PECR: variants seen among roughly 807,000 people sequenced by gnomAD.
The protein encoded by PECR is peroxisomal trans-2-enoyl-CoA reductase.
PECR carries 30 observed loss-of-function variants against 35.3 expected under a neutral mutation model. That is an observed-to-expected ratio of 0.85 (90% CI 0.64 to 1.15). The LOEUF is 1.15. PECR is among the 50% of genes most tolerant of loss of function. The probability of loss-of-function intolerance (pLI) is 0.00; values close to 1 mark genes in which losing one functional copy is unlikely to be tolerated. For missense variants in PECR, 392 were observed against 370.8 expected (o/e 1.06, Z -0.47); for synonymous variants, 148 against 138.9 (o/e 1.07, Z -0.46).
intron 6 of PECR, among the ~76,000 whole-genome samples, chr2:216,046,950 G>A (rs1370101518): frequency 2.0e-5 from 3 of 152,152 alleles, no homozygotes; most frequent in Non-Finnish European, 2.9e-5. Flanking sequence ...AAATAACACA[G>A]AGTAAATTCT....
intron 1 of PECR, among the ~76,000 whole-genome samples, chr2:216,070,839 C>T (rs903814658): frequency 6.6e-6 from 1 of 152,314 alleles, no homozygotes; most frequent in South Asian, 2.1e-4. Flanking sequence ...GAAACACTTG[C>T]GCCTGGGTCG....
downstream of PECR, among the ~76,000 whole-genome samples, chr2:216,037,096 A>G (rs1208008752): frequency 6.6e-6 from 1 of 152,240 alleles, no homozygotes; most frequent in East Asian, 1.9e-4. Context: ...ATAATGCTAA[A>G]TACATAGTAG....
rs369322396 is a variant in PECR at position 216,061,128 on chromosome 2, C to A, written c.425-2152G>T. 1.2e-3 allele frequency among the ~76,000 whole-genome samples: 45 copies of A among 38,942 alleles called. 1 individual carries two copies. Among genetic ancestry groups the A allele is most frequent in the Middle Eastern group, 0.015 (1 of 68 alleles). 25.5% of individuals were successfully genotyped at this position (38,942 alleles called of 152,430 possible). On this transcript the variant is annotated intron_variant, in intron 3 of 7. Transcript: ENST00000265322. Reference sequence around the variant, plus strand: ...GCAACAAGGGGAGACCCCGGCTCTACCAAAAAAAAAAAAAAAAAAAAAAAA... The same window carrying A: ...GCAACAAGGGGAGACCCCGGCTCTAACAAAAAAAAAAAAAAAAAAAAAAAA...
At chr2:216,054,241 C>T (rs766661368) in intron 4 of PECR, among the ~76,000 whole-genome samples, 2 of 148,108 alleles carry the variant, frequency 1.4e-5, no homozygotes, top group Non-Finnish European at 3.0e-5. Flanking sequence ...GAGCCGAGAT[C>T]GCACCATTGC....
At chr2:216,031,439 A>G (rs963146676) in intron 7 of PECR, among the ~76,000 whole-genome samples, 1 of 142,490 alleles carries the variant, frequency 7.0e-6, no homozygotes, top group South Asian at 2.2e-4. Flanking sequence ...AAAAGAAAGA[A>G]AGAAAAAGAA....
chr2:216,072,176 T>C (rs1291003287), intron 1 of PECR, among the ~76,000 whole-genome samples: 2 of 152,198 alleles, frequency 1.3e-5, no homozygotes, highest in Admixed American at 1.3e-4. Context: ...CATAATTACC[T>C]GTTAATTTAA....
chr2:216,036,915 TATAG>T (rs1453099623), downstream of PECR, among the ~76,000 whole-genome samples: 1 of 152,226 alleles, frequency 6.6e-6, no homozygotes, highest in African/African-American at 2.4e-5. Flanking sequence ...TTTACATAAA[TATAG>T]AATTTTCATT....
chr2:216,080,951 T>C (rs1429379038), intron 1 of PECR, among the ~76,000 whole-genome samples: 1 of 152,186 alleles, frequency 6.6e-6, no homozygotes, highest in African/African-American at 2.4e-5. Context: ...AACCCAGGTG[T>C]TCGAGACCAG....
chr2:216,076,185 C>T (rs988221931), intron 1 of PECR, among the ~76,000 whole-genome samples: 5 of 152,118 alleles, frequency 3.3e-5, no homozygotes, highest in African/African-American at 1.2e-4. Context: ...AAAATGTTAG[C>T]CAATTTTTTT....
At chr2:216,034,816 A>C (rs547628436), downstream of PECR, among the ~76,000 whole-genome samples, 2 of 152,182 alleles carry the variant, frequency 1.3e-5, no homozygotes, top group Non-Finnish European at 2.9e-5. Context: ...TCCTCATGGA[A>C]GAGGTGTAGA....
downstream of PECR, among the ~76,000 whole-genome samples, chr2:216,033,520 A>G (rs1694744189): frequency 6.6e-6 from 1 of 152,124 alleles, no homozygotes; most frequent in South Asian, 2.1e-4. Context: ...AAATAAGCAG[A>G]GAGAAACAGG....
intron 3 of PECR, among the ~76,000 whole-genome samples, chr2:216,060,237 C>T (rs1482064641): frequency 6.6e-6 from 1 of 152,142 alleles, no homozygotes; most frequent in Non-Finnish European, 1.5e-5. Flanking sequence ...AATTATTCTA[C>T]ACACACCTTC....
intron 4 of PECR, among the ~76,000 whole-genome samples, chr2:216,058,551 T>C (rs542753939): frequency 2.0e-5 from 3 of 152,284 alleles, no homozygotes; most frequent in African/African-American, 7.2e-5. Context: ...TTCATTTCTA[T>C]ACTTTAACAA....
chr2:216,073,127 A>G (rs1005724028), intron 1 of PECR, among the ~76,000 whole-genome samples: 11 of 152,348 alleles, frequency 7.2e-5, no homozygotes, highest in African/African-American at 2.6e-4. Flanking sequence ...CCTAACTTTA[A>G]AATGGAATTT....
rs114464355 is a variant in PECR at position 216,040,737 on chromosome 2, G to C, written c.827-1377C>G. Among the ~76,000 whole-genome samples the C allele has an allele frequency of 2.9e-3, 436 of 152,208 alleles. 3 individuals carry two copies. The highest frequency in any genetic ancestry group is 4.2e-3 in the Non-Finnish European group (286 of 68,000). Reference sequence around the variant, plus strand: ...TACAAAAAAATTAGTGGGGCATAGTGTCGGGCACCTGTAATCCCAGCTACT... The same window carrying C: ...TACAAAAAAATTAGTGGGGCATAGTCTCGGGCACCTGTAATCCCAGCTACT... On this transcript the variant is annotated intron_variant, in intron 7 of 7. Coordinates refer to ENST00000265322, the MANE Select transcript of PECR (RefSeq NM_018441.6).
At chr2:216,052,504 G>A (rs911199420) in intron 4 of PECR, among the ~76,000 whole-genome samples, 3 of 152,140 alleles carry the variant, frequency 2.0e-5, no homozygotes, top group Admixed American at 6.5e-5. Flanking sequence ...AGAATTCCAG[G>A]TTGGCATGGT....
intron 2 of PECR, 84 bp from the exon 3 acceptor site, chr2:216,065,561 A>C (rs112756486): frequency 2.4e-6 from 2 of 824,334 alleles, no homozygotes; most frequent in East Asian, 5.0e-5. Flanking sequence ...CTCTAGACAG[A>C]GTTTGCAATC....
downstream of PECR, among the ~76,000 whole-genome samples, chr2:216,034,596 C>T (rs757861827): frequency 6.6e-6 from 1 of 152,082 alleles, no homozygotes; most frequent in Non-Finnish European, 1.5e-5. Flanking sequence ...GGAGTGGCCC[C>T]GTGATGGTGG....
intron 3 of PECR, among the ~76,000 whole-genome samples, chr2:216,061,616 CCACAA>C: frequency 6.6e-6 from 1 of 151,944 alleles, no homozygotes; most frequent in South Asian, 2.1e-4. Flanking sequence ...AATATAATCA[CCACAA>C]AACAATTAGA....
Sources: allele counts gnomAD v4.1 joint callset (sites outside exome capture counted in the v4.1 genomes callset), GRCh38; gene constraint gnomAD v4.1.1; transcripts MANE v1.5; gene names NCBI Gene and HGNC (gene_info 2026-07-23, HGNC 2026-07-21).